Variants in TRHDE observed in about 807,000 individuals in gnomAD.
The protein encoded by TRHDE is thyrotropin-releasing hormone-degrading ectoenzyme.
TRHDE carries 72 observed loss-of-function variants against 125.7 expected under a neutral mutation model. The ratio of observed to expected loss-of-function variants is 0.57; its 90% CI spans 0.47 to 0.70. The LOEUF (loss-of-function observed/expected upper bound fraction) is 0.70, where lower values mean the gene tolerates loss of function less well. Among genes scored for constraint, TRHDE ranks in the 30% least tolerant of loss-of-function variants. The probability of loss-of-function intolerance (pLI) is 0.00; values close to 1 mark genes in which losing one functional copy is unlikely to be tolerated. For synonymous variants in TRHDE, 509 were observed against 509.1 expected, an observed-to-expected ratio of 1.00 and a Z score of 0.00; for missense variants, 1,110 against 1,327.1, an observed-to-expected ratio of 0.84 and a Z score of 2.54.
In TRHDE at chr12:72,168,038, C is replaced by T. The variant is rs531802693; in HGVS notation, n.279+62286C>T. 2.2e-4 allele frequency among the ~76,000 whole-genome samples: 34 copies of T among 152,240 alleles called. No homozygotes were observed. In the East Asian group the frequency reaches 5.8e-3, roughly 26 times the overall value. ...CAGAGAGAGGAGTATGGCTACAACACTAGTCATTGTATGCCATATAATGCT... is the reference window on the plus strand; with the variant it reads ...CAGAGAGAGGAGTATGGCTACAACATTAGTCATTGTATGCCATATAATGCT... On this transcript the variant is annotated intron_variant and non_coding_transcript_variant, in intron 2 of 4. Transcript: ENST00000548156.
intron 12 of TRHDE, among the ~76,000 whole-genome samples, chr12:72,591,632 G>GTTTTTTTTTTTTTTTTT (rs71071842): frequency 3.2e-5 from 4 of 125,428 alleles, no homozygotes; most frequent in East Asian, 2.5e-4. Context: ...AAGGATATGG[G>GTTTTTTTTTTTTTTTTT]TTTTTTTTTT....
At chr12:72,108,287 G>A (rs1350105873) in intron 2 of TRHDE, among the ~76,000 whole-genome samples, 1 of 152,080 alleles carries the variant, frequency 6.6e-6, no homozygotes, top group Non-Finnish European at 1.5e-5. Flanking sequence ...GCTGAATTTT[G>A]TTGTTGTGGT....
chr12:72,113,836 A>G (rs530502000), intron 2 of TRHDE, among the ~76,000 whole-genome samples: 2 of 152,258 alleles, frequency 1.3e-5, no homozygotes, highest in East Asian at 1.9e-4. Context: ...ACCTTGAAAG[A>G]TGCTTTGAAC....
chr12:72,521,444 G>A, intron 6 of TRHDE, among the ~76,000 whole-genome samples: 1 of 152,024 alleles, frequency 6.6e-6, no homozygotes, highest in South Asian at 2.1e-4. Context: ...TGGTGTAGAG[G>A]GGAGAGTGTG....
intron 3 of TRHDE, among the ~76,000 whole-genome samples, chr12:72,433,195 T>C (rs1215144483): frequency 1.3e-5 from 2 of 152,176 alleles, no homozygotes; most frequent in Admixed American, 6.6e-5. Context: ...CAGGATTTGG[T>C]TTGCTAGCAT....
chr12:72,162,915 T>G (rs1233779160), intron 2 of TRHDE: 1 of 151,494 alleles, frequency 6.6e-6, no homozygotes, highest in South Asian at 2.1e-4. Context: ...TTTTTTTTTT[T>G]TTTTCAAATT....
At chr12:72,117,009 T>C (rs550547393) in intron 2 of TRHDE, among the ~76,000 whole-genome samples, 1 of 152,284 alleles carries the variant, frequency 6.6e-6, no homozygotes, top group Admixed American at 6.5e-5. Flanking sequence ...GTCTGATGGA[T>C]AGTTTGCAAT....
intron 2 of TRHDE, among the ~76,000 whole-genome samples, chr12:72,176,791 T>C (rs1321274107): frequency 6.6e-6 from 1 of 152,208 alleles, no homozygotes; most frequent in African/African-American, 2.4e-5. Flanking sequence ...AAGAGTTACT[T>C]CTCATTTAAA....
In TRHDE at chr12:72,273,653, T is replaced by G; in HGVS notation, c.914+96T>G. ...CCCCGGGGACCCAGCTGGCTTCCAA[T>G]ACCCGGGAAGCCAGGGGTGGGGGGA... On this transcript the variant is annotated intron_variant, in intron 1 of 18. Transcript: ENST00000261180. This position sits in a 1 kb window ranked among gnomAD's most constrained non-coding sequence, Gnocchi z 5.3. The G allele has an allele frequency of 2.2e-5, 27 of 1,201,212 alleles. No homozygotes were observed. Among genetic ancestry groups the G allele is most frequent in the Non-Finnish European group, 2.8e-5 (24 of 861,018 alleles). The allele number at this position is 1,201,212 out of a possible 1,614,324, so 74.4% of individuals were successfully genotyped here.
In TRHDE at chr12:72,619,654, CTGATT is replaced by C. The variant is rs1872963193; in HGVS notation, c.2469+618_2469+622del. On this transcript the variant is annotated intron_variant, in intron 13 of 18. Coordinates refer to ENST00000261180, the MANE Select transcript of TRHDE (RefSeq NM_013381.3). Reference sequence around the variant, plus strand: ...AATTACACTGCTCATGCCACCTAATCTGATTTAATAATCATTTTCAATAATATTAG... The same window carrying C: ...AATTACACTGCTCATGCCACCTAATCTAATAATCATTTTCAATAATATTAG... Among the ~76,000 whole-genome samples the C allele has an allele frequency of 3.3e-5, 5 of 152,294 alleles. No individual in the cohort carries two copies. In the South Asian group the frequency reaches 8.3e-4, roughly 25 times the overall value.
chr12:72,167,365 A>G (rs1876774863), intron 2 of TRHDE, among the ~76,000 whole-genome samples: 1 of 151,620 alleles, frequency 6.6e-6, no homozygotes, highest in African/African-American at 2.4e-5. Flanking sequence ...AGATTATATG[A>G]AGCCCTTTAC....
At chr12:72,293,300 T>C (rs1337136541) in intron 2 of TRHDE, among the ~76,000 whole-genome samples, 1 of 152,200 alleles carries the variant, frequency 6.6e-6, no homozygotes, top group Non-Finnish European at 1.5e-5. Context: ...CTGGGTTGTC[T>C]GTTTACTCTG....
intron 12 of TRHDE, among the ~76,000 whole-genome samples, chr12:72,585,297 T>C (rs7315302): frequency 0.015 from 2,335 of 152,332 alleles, 18 homozygotes; most frequent in Non-Finnish European, 0.025. Context: ...TATAATTTGA[T>C]TTCCTTTCCC....
Position 72,360,720 on chromosome 12 carries a change from T to A in TRHDE, c.1189-17275T>A, listed in dbSNP as rs560416166. ...ATGAATTGAAAATATATTGTACAGT[T>A]GATTGTGAAAGCCAATACTTCATGA... On this transcript the variant is annotated intron_variant, in intron 2 of 18. Coordinates refer to ENST00000261180, the MANE Select transcript of TRHDE (RefSeq NM_013381.3). Among the ~76,000 whole-genome samples the A allele has an allele frequency of 8.6e-5, 13 of 151,900 alleles. No homozygotes were observed. The South Asian group carries it at 2.3e-3, about 27-fold the overall frequency.
chr12:72,126,213 G>C (rs1875709968), intron 2 of TRHDE, among the ~76,000 whole-genome samples: 1 of 152,100 alleles, frequency 6.6e-6, no homozygotes, highest in Non-Finnish European at 1.5e-5. Flanking sequence ...AATCATAAAT[G>C]ACGCAAACGG....
At chr12:72,373,041 T>G (rs1871686658) in intron 2 of TRHDE, among the ~76,000 whole-genome samples, 1 of 152,186 alleles carries the variant, frequency 6.6e-6, no homozygotes, top group Non-Finnish European at 1.5e-5. Context: ...GTTCCTCCAT[T>G]TGTTTGTATC....
At chr12:72,164,351 G>A (rs115333899) in intron 2 of TRHDE, among the ~76,000 whole-genome samples, 60 of 152,270 alleles carry the variant, frequency 3.9e-4, no homozygotes, top group Non-Finnish European at 5.0e-4. Context: ...GAAGGGTAAG[G>A]GTGGTTTGAT....
At chr12:72,203,623 A>G (rs1228201326) in intron 2 of TRHDE, among the ~76,000 whole-genome samples, 2 of 152,186 alleles carry the variant, frequency 1.3e-5, no homozygotes, top group East Asian at 3.9e-4. Flanking sequence ...GAGGTTCTGA[A>G]CACCACACAC....
intron 2 of TRHDE, among the ~76,000 whole-genome samples, chr12:72,224,142 T>TATCTATC (rs1565666700): frequency 4.6e-4 from 15 of 32,682 alleles, no homozygotes; most frequent in African/African-American, 1.1e-3. Context: ...ATCTATCTAT[T>TATCTATC]TATCTATGTA....
Sources: gnomAD v4.1 joint callset for allele counts (sites outside exome capture counted in the v4.1 genomes callset) on GRCh38, gnomAD v4.1.1 for gene constraint, Gnocchi (gnomAD v3.1) non-coding constraint, MANE v1.5 for transcripts, NCBI Gene and HGNC (gene_info 2026-07-23, HGNC 2026-07-21) for gene names.